NREP: variants seen among roughly 807,000 people sequenced by gnomAD.
The protein encoded by NREP is neuronal regeneration-related protein.
A neutral mutation model predicts 8.6 loss-of-function variants in NREP; 5 were observed. That is an observed-to-expected ratio of 0.58 (90% CI 0.30 to 1.22). The LOEUF (loss-of-function observed/expected upper bound fraction) is 1.22. Among genes scored for constraint, NREP ranks in the 50% most tolerant of loss-of-function variants. The probability of loss-of-function intolerance (pLI) is 0.07; values close to 1 mark genes in which losing one functional copy is unlikely to be tolerated. For synonymous variants in NREP, 27 were observed against 28.0 expected (o/e 0.96, Z 0.11); for missense variants, 86 against 82.5 (o/e 1.04, Z -0.17).
chr5:111,799,340 T>G (rs549340783), intron 2 of NREP, among the ~76,000 whole-genome samples: 2 of 152,308 alleles, frequency 1.3e-5, no homozygotes, highest in African/African-American at 4.8e-5. Context: ...TGCATTGAAT[T>G]TGTAGACTGC....
At chr5:111,946,254 G>A (rs1460453471) in intron 2 of NREP, among the ~76,000 whole-genome samples, 1 of 151,196 alleles carries the variant, frequency 6.6e-6, no homozygotes, top group Non-Finnish European at 1.5e-5. Flanking sequence ...AATGGGCATA[G>A]AATTTATGCC....
At chr5:111,869,941 A>T (rs1398958244) in intron 2 of NREP, among the ~76,000 whole-genome samples, 1 of 152,198 alleles carries the variant, frequency 6.6e-6, no homozygotes. Context: ...CATTGTACAC[A>T]CGTTCCATTG....
intron 2 of NREP, among the ~76,000 whole-genome samples, chr5:111,830,995 A>G (rs1341239134): frequency 6.6e-6 from 1 of 152,202 alleles, no homozygotes; most frequent in African/African-American, 2.4e-5. Flanking sequence ...ATTCTCCTAT[A>G]TGGGAAGAGC....
chr5:111,942,571 A>C (rs1755858264), intron 2 of NREP, among the ~76,000 whole-genome samples: 1 of 152,066 alleles, frequency 6.6e-6, no homozygotes, highest in South Asian at 2.1e-4. Flanking sequence ...AGGGTACAAA[A>C]TAATTGCAAA....
At chr5:111,963,036 A>G (rs1756523189) in intron 2 of NREP, among the ~76,000 whole-genome samples, 2 of 152,276 alleles carry the variant, frequency 1.3e-5, no homozygotes, top group African/African-American at 4.8e-5. Flanking sequence ...CACACTGGCC[A>G]TTTGCCCTTG....
intron 2 of NREP, among the ~76,000 whole-genome samples, chr5:111,887,723 A>T (rs1754296162): frequency 6.6e-6 from 1 of 152,220 alleles, no homozygotes; most frequent in Admixed American, 6.5e-5. Context: ...TTTACCCAGG[A>T]AACTCGAACT....
chr5:111,863,560 C>A (rs564522127), intron 2 of NREP, among the ~76,000 whole-genome samples: 1 of 152,076 alleles, frequency 6.6e-6, no homozygotes, highest in South Asian at 2.1e-4. Context: ...CCTTAAGAAA[C>A]TTTAACATTT....
intron 2 of NREP, among the ~76,000 whole-genome samples, chr5:111,850,372 T>G (rs1466429457): frequency 6.6e-6 from 1 of 152,168 alleles, no homozygotes; most frequent in Non-Finnish European, 1.5e-5. Context: ...AGCCTGATCT[T>G]TATCTAGACT....
chr5:111,934,665 G>A (rs960387733), intron 2 of NREP, among the ~76,000 whole-genome samples: 4 of 152,062 alleles, frequency 2.6e-5, no homozygotes, highest in African/African-American at 7.2e-5. Flanking sequence ...TCCATGTGGG[G>A]AATCAGCCTA....
intron 1 of NREP, chr5:111,975,391 C>A: frequency 1.3e-6 from 2 of 1,547,992 alleles, no homozygotes; most frequent in East Asian, 4.9e-5. Flanking sequence ...GCAGACAAGA[C>A]ACATGGTAGA....
chr5:111,971,296 T>C (rs372268626), intron 2 of NREP, among the ~76,000 whole-genome samples: 27 of 152,348 alleles, frequency 1.8e-4, no homozygotes, highest in African/African-American at 6.5e-4. Flanking sequence ...TTCAATGTAA[T>C]GTCTATCAAA....
Position 111,941,012 on chromosome 5 carries a change from T to G in NREP, c.135+34262A>C, listed in dbSNP as rs527996167. 1.6e-3 allele frequency among the ~76,000 whole-genome samples: 238 copies of G among 152,194 alleles called. 1 individual carries two copies. Among genetic ancestry groups the G allele is most frequent in the African/African-American group, 5.5e-3 (229 of 41,560 alleles). The stretch of plus-strand genomic sequence containing the variant: ...TACATTTATGTTTTATAAAACACAT[T>G]TCTTTTTTGGGGTAGGGAGCAAACC... On this transcript the variant is annotated intron_variant, in intron 2 of 3. Transcript: ENST00000395634.
intron 2 of NREP, among the ~76,000 whole-genome samples, chr5:111,762,943 T>G (rs1750998274): frequency 6.6e-6 from 1 of 152,202 alleles, no homozygotes; most frequent in African/African-American, 2.4e-5. Context: ...CAGGGCTTTA[T>G]CCAAACCCAG....
intron 2 of NREP, among the ~76,000 whole-genome samples, chr5:111,936,730 A>G (rs1222317571): frequency 6.6e-6 from 1 of 152,134 alleles, no homozygotes. Flanking sequence ...CAGAGAGAAC[A>G]GAAACCAAAT....
chr5:111,845,186 G>C (rs1339451314), intron 2 of NREP, among the ~76,000 whole-genome samples: 1 of 152,076 alleles, frequency 6.6e-6, no homozygotes, highest in African/African-American at 2.4e-5. Flanking sequence ...CCCCTACTTG[G>C]AGGTTATCTG....
At chr5:111,900,582 A>G (rs7728161) in intron 2 of NREP, among the ~76,000 whole-genome samples, 10,145 of 152,176 alleles carry the variant, frequency 0.067, 802 homozygotes, top group East Asian at 0.24. Flanking sequence ...AAGAGGCATT[A>G]CAACTAATAC....
intron 2 of NREP, among the ~76,000 whole-genome samples, chr5:111,848,038 A>C (rs1176922257): frequency 6.6e-6 from 1 of 152,154 alleles, no homozygotes; most frequent in African/African-American, 2.4e-5. Context: ...GTAAAACTCA[A>C]CTGGTGGGTC....
rs144247151 is a variant in NREP at position 111,806,791 on chromosome 5, G to T, written c.136-71284C>A. On this transcript the variant is annotated intron_variant, in intron 2 of 3. Coordinates refer to the NREP transcript ENST00000395634. ...GTCCCTCTGGCCTTGTCTCGGAAAT[G>T]AACTAAAGTGTGGATTAGGTGACAG... Among the ~76,000 whole-genome samples, 88 of 152,252 alleles carry T rather than the reference G, an allele frequency of 5.8e-4. 2 individuals are homozygous for T. Among genetic ancestry groups the T allele is most frequent in the African/African-American group, 2.0e-3 (82 of 41,542 alleles).
chr5:111,928,927 C>CA (rs1755464289), intron 2 of NREP, among the ~76,000 whole-genome samples: 1 of 151,762 alleles, frequency 6.6e-6, no homozygotes, highest in African/African-American at 2.4e-5. Flanking sequence ...TTAAAACAAA[C>CA]AAAAAAACCC....
Sources: allele counts gnomAD v4.1 joint callset (sites outside exome capture counted in the v4.1 genomes callset), GRCh38; gene constraint gnomAD v4.1.1; transcripts MANE v1.5; gene names NCBI Gene and HGNC (gene_info 2026-07-23, HGNC 2026-07-21).